SLC12A2: variants seen among roughly 807,000 people sequenced by gnomAD.
SLC12A2 encodes solute carrier family 12 member 2, also known as Na-K-2Cl cotransporter 1.
Under a neutral mutation model 136.3 loss-of-function variants are expected in SLC12A2, and 67 were observed. The observed-to-expected ratio is 0.49, with a 90% CI of 0.40 to 0.60. SLC12A2 has a LOEUF of 0.60. SLC12A2 is among the 20% of genes least tolerant of loss of function. SLC12A2 has a pLI of 0.00. For synonymous variants in SLC12A2, 619 were observed against 562.9 expected, an observed-to-expected ratio of 1.10 and a Z score of -1.41; for missense variants, 1,322 against 1,534.7, an observed-to-expected ratio of 0.86 and a Z score of 2.32.
chr5:128,109,353 C>G (rs1761060248), intron 1 of SLC12A2: 1 of 289,294 alleles, frequency 3.5e-6, no homozygotes, highest in South Asian at 3.4e-5. Flanking sequence ...GCATGCCTGC[C>G]CTGCATGCCA....
intron 1 of SLC12A2, among the ~76,000 whole-genome samples, chr5:128,106,230 A>G (rs1314787383): frequency 3.3e-5 from 5 of 152,212 alleles, no homozygotes; most frequent in African/African-American, 9.6e-5. Context: ...TGTGGAATAT[A>G]CAGTAAAAAC....
rs1322820594 is a variant in SLC12A2 at position 128,083,824 on chromosome 5, C to A, written c.-131C>A. The A allele has an allele frequency of 1.3e-5, 9 of 697,038 alleles. No homozygotes were observed. Among genetic ancestry groups the A allele is most frequent in the Non-Finnish European group, 1.8e-5 (9 of 506,464 alleles). The allele number at this position is 697,038 out of a possible 1,614,324, so 43.2% of individuals were successfully genotyped here. ...CTGTGGCCGTCCAGGCTAGCGGCGG[C>A]CCGCAGGCGGCGGGGAGAAAGACTC... On this transcript the variant is annotated 5_prime_UTR_variant, in exon 1 of 27. Transcript: ENST00000262461.
chr5:128,184,954 G>A, intron 26 of SLC12A2, 98 bp downstream of exon 26: 1 of 1,055,898 alleles, frequency 9.5e-7, no homozygotes. Context: ...CACCCATATT[G>A]ACTTAGTGGT....
At chr5:128,156,882 TA>T (rs1321039532) in intron 15 of SLC12A2, among the ~76,000 whole-genome samples, 1 of 152,120 alleles carries the variant, frequency 6.6e-6, no homozygotes, top group Non-Finnish European at 1.5e-5. Flanking sequence ...GGAACATACT[TA>T]TGGGCTATAA....
rs1160597049 is a variant in SLC12A2, at chr5:128,184,496, A to G, written c.3430A>G (p.Thr1144Ala). 1.9e-6 allele frequency: 3 copies of G among 1,588,482 alleles called. No homozygotes were observed. In the South Asian group the frequency reaches 3.5e-5, roughly 19 times the overall value. Residue 1144 changes from threonine to alanine, a missense_variant, in exon 25 of 27, where the codon ACC becomes GCC. By Grantham distance (58) the Thr-to-Ala change is moderately conservative (BLOSUM62 0). Around this residue, in one of 8 missense-constraint regions of SLC12A2, gnomAD observed 172 missense variants for 227.4 expected, o/e 0.76. Transcript: ENST00000262461. ...ITDNELELYK[T>A]KTYRQIRLNE... ...AGATAATGAGCTTGAACTTTATAAG[A>G]CCAAGGTATTCTCTTCTGCTTCCTT... is the stretch of plus-strand genomic sequence containing the variant.
intron 15 of SLC12A2, among the ~76,000 whole-genome samples, chr5:128,155,626 T>C (rs1268497647): frequency 6.6e-6 from 1 of 152,186 alleles, no homozygotes; most frequent in African/African-American, 2.4e-5. Flanking sequence ...TTTGTTGTCT[T>C]CACCTTGTAG....
chr5:128,106,074 C>A (rs192175718), intron 1 of SLC12A2, among the ~76,000 whole-genome samples: 2 of 152,108 alleles, frequency 1.3e-5, no homozygotes, highest in African/African-American at 2.4e-5. Flanking sequence ...TCCTACCAGT[C>A]CCTGCTGGGG....
chr5:128,143,743 TAAA>T (rs1762441046), intron 10 of SLC12A2, among the ~76,000 whole-genome samples: 1 of 151,768 alleles, frequency 6.6e-6, no homozygotes, highest in Admixed American at 6.6e-5. Context: ...AAAAGAAAAA[TAAA>T]AATTTTGCTT....
chr5:128,165,575 T>A (rs1256285926), intron 17 of SLC12A2, among the ~76,000 whole-genome samples: 4 of 152,202 alleles, frequency 2.6e-5, no homozygotes, highest in Admixed American at 2.6e-4. Flanking sequence ...ACTCCACTGA[T>A]AAACATATTG....
chr5:128,152,637 G>A (rs1762740171), intron 14 of SLC12A2, 69 bp from the exon 15 acceptor site: 1 of 923,666 alleles, frequency 1.1e-6, no homozygotes, highest in Admixed American at 1.7e-5. Context: ...AATTCTCTAT[G>A]CCTCAGATTG....
Position 128,084,298 on chromosome 5 carries a change from A to T in SLC12A2, c.344A>T (p.Gln115Leu). 1 of 1,501,396 alleles carries T rather than the reference A, an allele frequency of 6.7e-7. No individual in the cohort carries two copies. Among genetic ancestry groups the T allele is most frequent in the Non-Finnish European group, 8.8e-7 (1 of 1,131,104 alleles). 93.0% of individuals were successfully genotyped at this position (1,501,396 alleles called of 1,614,324 possible). ...GCTGGTGCTGGGGCGGGGGCCAAGC[A>T]GACCCCCGCGGACGGGGAAGCCAGC... is the stretch of plus-strand genomic sequence containing the variant. ...AAAGAGAGAKQTPADGEASGE... is the reference protein window; with the variant it reads ...AAAGAGAGAKLTPADGEASGE... The change falls in exon 1 of 27, where the codon CAG (glutamine) becomes CTG (leucine). Residue 115 changes from glutamine (Q) to leucine (L), a missense_variant. This residue lies in a region of SLC12A2 where 358 missense variants were observed against 299.7 expected (regional missense o/e 1.19). Coordinates refer to ENST00000262461, the MANE Select transcript of SLC12A2 (RefSeq NM_001046.3). The surrounding 1 kb of genome is among the most constrained non-coding windows in gnomAD (Gnocchi z 5.6).
intron 1 of SLC12A2, among the ~76,000 whole-genome samples, chr5:128,085,373 T>G (rs1237053781): frequency 2.0e-5 from 3 of 151,996 alleles, no homozygotes; most frequent in Non-Finnish European, 2.9e-5. Flanking sequence ...AGGCGAGTCT[T>G]TAAAGAAAAA....
intron 7 of SLC12A2, among the ~76,000 whole-genome samples, chr5:128,137,739 T>C (rs925665611): frequency 2.6e-5 from 4 of 152,092 alleles, no homozygotes; most frequent in African/African-American, 9.7e-5. Flanking sequence ...ATGAAAACAC[T>C]AGGTCTAGTT....
At chr5:128,114,862 A>G (rs183958618) in intron 4 of SLC12A2, among the ~76,000 whole-genome samples, 181 bp downstream of exon 4, 3 of 152,354 alleles carry the variant, frequency 2.0e-5, no homozygotes, top group Admixed American at 6.5e-5. Context: ...ATGTCAACTC[A>G]TACACATAAG....
At chr5:128,124,869 C>T (rs1306352946) in intron 4 of SLC12A2, among the ~76,000 whole-genome samples, 1 of 152,024 alleles carries the variant, frequency 6.6e-6, no homozygotes, top group Non-Finnish European at 1.5e-5. Context: ...CTGTCCAATC[C>T]GGAAGCTATG....
intron 10 of SLC12A2, among the ~76,000 whole-genome samples, chr5:128,143,853 A>G (rs1762444253): frequency 6.6e-6 from 1 of 150,668 alleles, no homozygotes; most frequent in African/African-American, 2.4e-5. Flanking sequence ...TTACAATACA[A>G]TTTTTAACTA....
intron 9 of SLC12A2, among the ~76,000 whole-genome samples, chr5:128,139,907 G>A (rs2126709711): frequency 6.6e-6 from 1 of 152,234 alleles, no homozygotes; most frequent in African/African-American, 2.4e-5. Context: ...TCTACTATTT[G>A]CTTAAATGTA....
In SLC12A2 at chr5:128,084,828, G is replaced by GAATCCAGAGATGCCA; in HGVS notation, c.756+118_756+119insAATCCAGAGATGCCA. Reference sequence around the variant, plus strand: ...GAGTAGTAGACGTGCACGACTTGCTGGCATCTCTGGATTCAGCTGTCAAGG... The same window carrying GAATCCAGAGATGCCA: ...GAGTAGTAGACGTGCACGACTTGCTGAATCCAGAGATGCCAGCATCTCTGGATTCAGCTGTCAAGG... On this transcript the variant is annotated intron_variant, in intron 1 of 26. Transcript: ENST00000262461. The surrounding 1 kb of genome is among the most constrained non-coding windows in gnomAD (Gnocchi z 5.6). 5 of 1,133,084 alleles carry GAATCCAGAGATGCCA rather than the reference G, an allele frequency of 4.4e-6. No individual in the cohort carries two copies. Among genetic ancestry groups the GAATCCAGAGATGCCA allele is most frequent in the Non-Finnish European group, 6.1e-6 (5 of 821,964 alleles). The allele number at this position is 1,133,084 out of a possible 1,614,324, so 70.2% of individuals were successfully genotyped here.
chr5:128,153,906 A>G (rs994268957), intron 15 of SLC12A2, among the ~76,000 whole-genome samples: 5 of 152,116 alleles, frequency 3.3e-5, no homozygotes, highest in Non-Finnish European at 5.9e-5. Context: ...AGAAGAAGGA[A>G]TGAGAGCCCT....
Sources: allele counts gnomAD v4.1 joint callset (sites outside exome capture counted in the v4.1 genomes callset), GRCh38; gene constraint gnomAD v4.1.1; regional missense constraint gnomAD v4.1.1; non-coding constraint Gnocchi (gnomAD v3.1); transcripts MANE v1.5; gene names NCBI Gene and HGNC (gene_info 2026-07-23, HGNC 2026-07-21).